MT1H: variants seen among roughly 807,000 people sequenced by gnomAD.
MT1H encodes the protein metallothionein 1H, also known as metallothionein-1H.
Under a neutral mutation model 8.7 loss-of-function variants are expected in MT1H, and 8 were observed. The ratio of observed to expected loss-of-function variants is 0.92; its 90% CI spans 0.54 to 1.66. MT1H has a LOEUF of 1.66. Ranked by LOEUF, MT1H falls within the 40% of genes most tolerant of loss-of-function variation. MT1H has a pLI of 0.00. For synonymous variants in MT1H, 32 were observed against 28.9 expected (o/e 1.11, Z -0.34); for missense variants, 84 against 75.2 (o/e 1.12, Z -0.43).
rs772875623 is a variant in MT1H at position 56,670,549 on chromosome 16, C to T, written c.72C>T (p.Cys24=). 1.2e-6 allele frequency: 2 copies of T among 1,614,266 alleles called. No individual in the cohort carries two copies. The highest frequency in any genetic ancestry group is 8.5e-7 in the Non-Finnish European group (1 of 1,180,050). Reference sequence around the variant, plus strand: ...CCGGCTCCTGCAAGTGCAAAAAGTGCAAATGCACCTCCTGCAAGAAGAGTG... The same window carrying T: ...CCGGCTCCTGCAAGTGCAAAAAGTGTAAATGCACCTCCTGCAAGAAGAGTG... ...ACAGSCKCKK[C]KCTSCKKSCC... Residue 24 remains cysteine (C), a synonymous_variant, in exon 2 of 3, where the codon TGC becomes TGT. Transcript: ENST00000332374.
At position 56,670,925 on chromosome 16, in the gene MT1H, G is replaced by A. The variant is rs1960864875; in HGVS notation, c.122G>A (p.Cys41Tyr). The change falls in exon 3 of 3, where the codon TGT becomes TAT. Residue 41 changes from cysteine (C) to tyrosine (Y), a missense_variant. Transcript: ENST00000332374. ...KSCCSCCPLGCAKCAQGCICK... is the reference protein window; with the variant it reads ...KSCCSCCPLGYAKCAQGCICK... ...TGCTGCTCCTGTTGCCCCCTGGGCT[G>A]TGCCAAGTGTGCCCAGGGCTGCATC... is the stretch of plus-strand genomic sequence containing the variant. 1 of 1,614,100 alleles carries A rather than the reference G, an allele frequency of 6.2e-7. No homozygotes were observed. The highest frequency in any genetic ancestry group is 1.7e-5 in the Admixed American group (1 of 60,010).
In MT1H at chr16:56,670,530, C is replaced by T. The variant is rs746222241; in HGVS notation, c.53C>T (p.Ser18Phe). 2 of 1,614,244 alleles carry T rather than the reference C, an allele frequency of 1.2e-6. No individual in the cohort carries two copies. Among genetic ancestry groups the T allele is most frequent in the Admixed American group, 1.7e-5 (1 of 60,036 alleles). Residue 18 changes from serine to phenylalanine, a missense_variant, in exon 2 of 3, where the codon TCC (serine) becomes TTC (phenylalanine). Coordinates refer to ENST00000332374, the MANE Select transcript of MT1H (RefSeq NM_005951.2). ...GGTGGCTCCTGCGCCTGCGCCGGCT[C>T]CTGCAAGTGCAAAAAGTGCAAATGC... ...EAGGSCACAG[S>F]CKCKKCKCTS...
At position 56,669,923 on chromosome 16, in the gene MT1H, C is replaced by T. The variant is rs1024692857; in HGVS notation, c.28+11C>T. ...GCTCCTGCGAGGCTGGTAAGGAACG[C>T]CCGGGTTCTGTGCCTTAGGATGCCA... On this transcript the variant is annotated intron_variant, in intron 1 of 2. Coordinates refer to ENST00000332374, the MANE Select transcript of MT1H (RefSeq NM_005951.2). 4.3e-6 allele frequency: 7 copies of T among 1,613,844 alleles called. No individual in the cohort carries two copies. Among genetic ancestry groups the T allele is most frequent in the Middle Eastern group, 3.3e-4 (2 of 6,044 alleles).
intron 1 of MT1H, 106 bp from the exon 2 acceptor site, chr16:56,670,400 T>C: frequency 6.5e-7 from 1 of 1,537,886 alleles, no homozygotes; most frequent in South Asian, 1.2e-5. Context: ...AAAGGAGCTC[T>C]GACGGCTGGC....
intron 2 of MT1H, 44 bp downstream of exon 2, chr16:56,670,615 G>A: frequency 6.2e-7 from 1 of 1,614,238 alleles, no homozygotes; most frequent in South Asian, 1.1e-5. Flanking sequence ...TGTGGCTAAG[G>A]TTGGGAGGGA....
chr16:56,670,037 C>T (rs1960851212), intron 1 of MT1H, 125 bp downstream of exon 1: 1 of 1,333,908 alleles, frequency 7.5e-7, no homozygotes, highest in Non-Finnish European at 1.1e-6. Flanking sequence ...ACTTCCTCCG[C>T]TGCTTTCCTC....
chr16:56,671,100 T>C lies in MT1H; in HGVS notation c.*111T>C, dbSNP rs959648099. ...TACATTCCTTTTTTTCTGTGAAATA[T>C]GTGAATAATAATTAAACACTTAGAC... On this transcript the variant is annotated 3_prime_UTR_variant, in exon 3 of 3. Transcript: ENST00000332374. 22 of 1,389,208 alleles carry C rather than the reference T, an allele frequency of 1.6e-5. No homozygotes were observed. The highest frequency in any genetic ancestry group is 1.8e-5 in the Non-Finnish European group (19 of 1,028,736). The allele number at this position is 1,389,208 out of a possible 1,614,324, so 86.1% of individuals were successfully genotyped here. A position where few individuals can be genotyped will look rare whatever the true frequency, so the allele number is the denominator to read the frequency against.
intron 1 of MT1H, 89 bp downstream of exon 1, chr16:56,670,001 C>A (rs1960850367): frequency 1.9e-6 from 3 of 1,566,774 alleles, no homozygotes; most frequent in Non-Finnish European, 2.6e-6. Flanking sequence ...TCATATTTTG[C>A]GATCTGAGCT....
Position 56,670,540 on chromosome 16 carries a change from C to T in MT1H, c.63C>T (p.Cys21=). 1 of 1,614,248 alleles carries T rather than the reference C, an allele frequency of 6.2e-7. No homozygotes were observed. Among genetic ancestry groups the T allele is most frequent in the Non-Finnish European group, 8.5e-7 (1 of 1,180,046 alleles). The change falls in exon 2 of 3, where the codon TGC becomes TGT. Residue 21 remains cysteine, a synonymous_variant. Transcript: ENST00000332374. ...GSCACAGSCK[C]KKCKCTSCKK... is the part of the protein sequence containing the mutation. ...GCGCCTGCGCCGGCTCCTGCAAGTG[C>T]AAAAAGTGCAAATGCACCTCCTGCA... is the stretch of plus-strand genomic sequence containing the variant.
intron 1 of MT1H, 87 bp from the exon 2 acceptor site, chr16:56,670,417 CAG>C: frequency 6.3e-7 from 1 of 1,587,960 alleles, no homozygotes; most frequent in Non-Finnish European, 8.6e-7. Context: ...TGGCCCTGAA[CAG>C]AGAAGGGGGA....
rs767749597 is a variant in MT1H at position 56,670,579 on chromosome 16, CG to C, written c.94+12del. 4.3e-6 allele frequency: 7 copies of C among 1,614,240 alleles called. No individual in the cohort carries two copies. Among genetic ancestry groups the C allele is most frequent in the Non-Finnish European group, 5.9e-6 (7 of 1,180,044 alleles). On this transcript the variant is annotated intron_variant, in intron 2 of 2. Coordinates refer to ENST00000332374, the MANE Select transcript of MT1H (RefSeq NM_005951.2). Reference sequence around the variant, plus strand: ...GCACCTCCTGCAAGAAGAGTGAGTGCGGGGCCATCTCCAGGAATCTGGGGCT... The same window carrying C: ...GCACCTCCTGCAAGAAGAGTGAGTGCGGGCCATCTCCAGGAATCTGGGGCT...
At chr16:56,670,328 G>T (rs796324687) in intron 1 of MT1H, among the ~76,000 whole-genome samples, 178 bp from the exon 2 acceptor site, 1 of 152,214 alleles carries the variant, frequency 6.6e-6, no homozygotes, top group South Asian at 2.1e-4. Flanking sequence ...CAAACGGAGG[G>T]TGCTTGGTTT....
In MT1H at chr16:56,671,126, T is replaced by G; in HGVS notation, c.*137T>G. 8.0e-7 allele frequency: 1 copy of G among 1,251,550 alleles called. No homozygotes were observed. The highest frequency in any genetic ancestry group is 1.1e-6 in the Non-Finnish European group (1 of 921,102). 77.5% of individuals were successfully genotyped at this position (1,251,550 alleles called of 1,614,324 possible). ...GTGAATAATAATTAAACACTTAGAC[T>G]TGATTCCCGTTCTGGTTCCTGTTGT... On this transcript the variant is annotated 3_prime_UTR_variant, in exon 3 of 3. Coordinates refer to ENST00000332374, the MANE Select transcript of MT1H (RefSeq NM_005951.2).
Position 56,669,881 on chromosome 16 carries a change from T to G in MT1H, c.-4T>G. 1 of 1,614,154 alleles carries G rather than the reference T, an allele frequency of 6.2e-7. No homozygotes were observed. Among genetic ancestry groups the G allele is most frequent in the Non-Finnish European group, 8.5e-7 (1 of 1,180,016 alleles). ...TGGGAACTCCAGTCTCACCTCGGCTTGCAATGGACCCCAACTGCTCCTGCG... is the reference window on the plus strand; with the variant it reads ...TGGGAACTCCAGTCTCACCTCGGCTGGCAATGGACCCCAACTGCTCCTGCG... On this transcript the variant is annotated 5_prime_UTR_variant, in exon 1 of 3. Transcript: ENST00000332374.
Position 56,671,065 on chromosome 16 carries a change from ACTC to A in MT1H, c.*77_*79del. 2 of 1,536,576 alleles carry A rather than the reference ACTC, an allele frequency of 1.3e-6. No individual in the cohort carries two copies. Among genetic ancestry groups the A allele is most frequent in the Non-Finnish European group, 1.8e-6 (2 of 1,134,184 alleles). On this transcript the variant is annotated 3_prime_UTR_variant, in exon 3 of 3. Coordinates refer to ENST00000332374, the MANE Select transcript of MT1H (RefSeq NM_005951.2). ...AGGATTTTTTTTTTCTACAACTCCG[ACTC>A]ATTTGCTACATTCCTTTTTTTCTGT...
In MT1H at chr16:56,671,063, C is replaced by T. The variant is rs1286779729; in HGVS notation, c.*74C>T. 4.0e-5 allele frequency: 62 copies of T among 1,540,246 alleles called. No homozygotes were observed. The highest frequency in any genetic ancestry group is 1.2e-4 in the Admixed American group (6 of 48,958). On this transcript the variant is annotated 3_prime_UTR_variant, in exon 3 of 3. Transcript: ENST00000332374. ...CCAGGATTTTTTTTTTCTACAACTCCGACTCATTTGCTACATTCCTTTTTT... is the reference window on the plus strand; with the variant it reads ...CCAGGATTTTTTTTTTCTACAACTCTGACTCATTTGCTACATTCCTTTTTT...
rs190234395 is a variant in MT1H, at chr16:56,670,510, C to A, written c.33C>A (p.Gly11=). The A allele has an allele frequency of 6.6e-5, 106 of 1,614,178 alleles. 1 individual carries two copies. The Admixed American group carries it at 1.7e-3, about 26-fold the overall frequency. ...GGCTTTTTCTATTCCTTGCAGGTGGCTCCTGCGCCTGCGCCGGCTCCTGCA... is the reference window on the plus strand; with the variant it reads ...GGCTTTTTCTATTCCTTGCAGGTGGATCCTGCGCCTGCGCCGGCTCCTGCA... MDPNCSCEAG[G]SCACAGSCKC... The change falls in exon 2 of 3, where the codon GGC becomes GGA. Residue 11 remains glycine, a synonymous_variant. Coordinates refer to ENST00000332374, the MANE Select transcript of MT1H (RefSeq NM_005951.2).
chr16:56,670,152 C>T (rs762104818), intron 1 of MT1H, among the ~76,000 whole-genome samples: 1 of 152,182 alleles, frequency 6.6e-6, no homozygotes, highest in Admixed American at 6.5e-5. Flanking sequence ...CCGTTGGTCA[C>T]GAGGCTGCTG....
chr16:56,670,835 G>A, intron 2 of MT1H, 63 bp from the exon 3 acceptor site: 2 of 1,603,528 alleles, frequency 1.2e-6, no homozygotes, highest in Non-Finnish European at 1.7e-6. Flanking sequence ...AGCCAGGCCT[G>A]CTGTTGGGAG....
Sources: gnomAD v4.1 joint callset for allele counts (sites outside exome capture counted in the v4.1 genomes callset) on GRCh38, gnomAD v4.1.1 for gene constraint, MANE v1.5 for transcripts, NCBI Gene and HGNC (gene_info 2026-07-23, HGNC 2026-07-21) for gene names.